ERI3: variants seen among roughly 807,000 people sequenced by gnomAD.
ERI3 encodes the protein ERI1 exoribonuclease 3.
A neutral mutation model predicts 44.4 loss-of-function variants in ERI3; 18 were observed. That is an observed-to-expected ratio of 0.41 (90% confidence interval 0.28 to 0.60). ERI3 has a LOEUF of 0.60. ERI3 is among the 20% of genes least tolerant of loss of function. The probability of loss-of-function intolerance (pLI) is 0.36; values close to 1 mark genes in which losing one functional copy is unlikely to be tolerated. For missense variants in ERI3, 294 were observed against 435.5 expected, an observed-to-expected ratio of 0.68 and a Z score of 2.89; for synonymous variants, 183 against 164.8, an observed-to-expected ratio of 1.11 and a Z score of -0.84.
At chr1:44,270,264 T>C (rs1291552685) in intron 7 of ERI3, among the ~76,000 whole-genome samples, 2 of 152,312 alleles carry the variant, frequency 1.3e-5, no homozygotes, top group East Asian at 1.9e-4. Flanking sequence ...CCCATCTTTC[T>C]CCCAAACTGT....
intron 4 of ERI3, among the ~76,000 whole-genome samples, chr1:44,315,494 C>G (rs1050066351): frequency 1.1e-4 from 16 of 152,212 alleles, no homozygotes; most frequent in Non-Finnish European, 2.9e-5. Flanking sequence ...GCAGACTAAA[C>G]CCAACTCTCC....
intron 8 of ERI3, among the ~76,000 whole-genome samples, chr1:44,232,414 A>G (rs1644206452): frequency 6.6e-6 from 1 of 152,210 alleles, no homozygotes; most frequent in Non-Finnish European, 1.5e-5. Flanking sequence ...TTAGACTAAA[A>G]CCCCAGTGAA....
At chr1:44,264,242 A>G (rs1310024364) in intron 7 of ERI3, among the ~76,000 whole-genome samples, 3 of 152,154 alleles carry the variant, frequency 2.0e-5, no homozygotes, top group African/African-American at 7.2e-5. Context: ...AGAGGGGGAG[A>G]TAAAAGTGAT....
chr1:44,226,434 C>T (rs1644039907), intron 8 of ERI3, among the ~76,000 whole-genome samples: 1 of 152,090 alleles, frequency 6.6e-6, no homozygotes, highest in Non-Finnish European at 1.5e-5. Flanking sequence ...ACCCTGAAGG[C>T]AGACAGATCA....
chr1:44,338,943 C>T (rs1052585142), intron 3 of ERI3, 102 bp downstream of exon 3: 10 of 1,381,336 alleles, frequency 7.2e-6, no homozygotes, highest in Non-Finnish European at 1.0e-5. Context: ...AGCTAAAAGA[C>T]AGGAAGGCAT....
At chr1:44,242,097 AG>A (rs1460859865) in intron 8 of ERI3, 1 of 985,476 alleles carries the variant, frequency 1.0e-6, no homozygotes, top group Non-Finnish European at 1.2e-6. Flanking sequence ...ATGATGGGAG[AG>A]TTAACCCTTC....
chr1:44,288,010 T>C (rs1645429848), intron 6 of ERI3, among the ~76,000 whole-genome samples: 1 of 152,188 alleles, frequency 6.6e-6, no homozygotes, highest in Non-Finnish European at 1.5e-5. Context: ...GGGAGAGGGA[T>C]GGGCTCTCTC....
chr1:44,226,966 T>C (rs1644059939), intron 8 of ERI3, among the ~76,000 whole-genome samples: 1 of 152,222 alleles, frequency 6.6e-6, no homozygotes. Context: ...TTGATTGAAC[T>C]GTCAACACTT....
chr1:44,326,606 C>A (rs1646319361), intron 3 of ERI3, among the ~76,000 whole-genome samples: 1 of 152,140 alleles, frequency 6.6e-6, no homozygotes, highest in Non-Finnish European at 1.5e-5. Context: ...GTCGATTTGT[C>A]CGGACTTGTT....
intron 4 of ERI3, among the ~76,000 whole-genome samples, chr1:44,319,231 A>G (rs999378038): frequency 6.6e-6 from 1 of 152,264 alleles, no homozygotes; most frequent in African/African-American, 2.4e-5. Flanking sequence ...AGGAGGACAG[A>G]GTAACAATGC....
chr1:44,265,146 G>C (rs764438764), intron 7 of ERI3, among the ~76,000 whole-genome samples: 3 of 54,236 alleles, frequency 5.5e-5, no homozygotes, highest in Non-Finnish European at 8.4e-5. Context: ...CCCCAGAAGC[G>C]GGAAGGAGAA....
intron 3 of ERI3, among the ~76,000 whole-genome samples, chr1:44,321,671 G>T (rs1184596590): frequency 6.6e-6 from 1 of 152,178 alleles, no homozygotes; most frequent in African/African-American, 2.4e-5. Flanking sequence ...CTAAGTAGAA[G>T]AAACACTTCC....
intron 5 of ERI3, among the ~76,000 whole-genome samples, chr1:44,312,395 C>T (rs943868032): frequency 1.3e-5 from 2 of 152,248 alleles, no homozygotes; most frequent in Admixed American, 1.3e-4. Flanking sequence ...GGGACCTTCT[C>T]CCCCTGTGAA....
chr1:44,286,723 G>T (rs974488653), intron 6 of ERI3, among the ~76,000 whole-genome samples: 5 of 152,136 alleles, frequency 3.3e-5, no homozygotes, highest in African/African-American at 1.2e-4. Context: ...TTAAACACTA[G>T]TCTGTCTCCC....
At chr1:44,317,310 A>G (rs1159842462) in intron 4 of ERI3, among the ~76,000 whole-genome samples, 1 of 152,170 alleles carries the variant, frequency 6.6e-6, no homozygotes, top group African/African-American at 2.4e-5. Flanking sequence ...CCCACCCGCA[A>G]AAGGCACCAA....
At chr1:44,268,451 T>C (rs1157276451) in intron 7 of ERI3, among the ~76,000 whole-genome samples, 1 of 152,196 alleles carries the variant, frequency 6.6e-6, no homozygotes, top group Non-Finnish European at 1.5e-5. Context: ...GCTGGTCAAA[T>C]TCAGAAATTA....
chr1:44,232,777 G>A (rs905554485), intron 8 of ERI3, among the ~76,000 whole-genome samples: 10 of 152,218 alleles, frequency 6.6e-5, no homozygotes, highest in African/African-American at 2.4e-4. Context: ...AGAGCTCAGA[G>A]ACATGGCTGT....
At chr1:44,319,935 A>AAT (rs1325238227) in intron 3 of ERI3, among the ~76,000 whole-genome samples, 191 bp from the exon 4 acceptor site, 1 of 152,192 alleles carries the variant, frequency 6.6e-6, no homozygotes, top group African/African-American at 2.4e-5. Context: ...TCCCACTGCT[A>AAT]ATATCCTCAT....
At chr1:44,305,573 C>T (rs1484153084) in intron 6 of ERI3, among the ~76,000 whole-genome samples, 3 of 152,196 alleles carry the variant, frequency 2.0e-5, no homozygotes, top group Non-Finnish European at 4.4e-5. Context: ...ACAAAGCCCA[C>T]GTAAACTTGG....
Sources: gnomAD v4.1 joint callset for allele counts (sites outside exome capture counted in the v4.1 genomes callset) on GRCh38, gnomAD v4.1.1 for gene constraint, MANE v1.5 for transcripts, NCBI Gene and HGNC (gene_info 2026-07-23, HGNC 2026-07-21) for gene names.